SLC4A4: variants seen among roughly 807,000 people sequenced by gnomAD.
SLC4A4 encodes the protein electrogenic sodium bicarbonate cotransporter 1.
A neutral mutation model predicts 111.5 loss-of-function variants in SLC4A4; 27 were observed. The observed-to-expected ratio is 0.24, with a 90% confidence interval of 0.18 to 0.33. SLC4A4 has a LOEUF of 0.33. SLC4A4 is among the 10% of genes least tolerant of loss of function. The probability of loss-of-function intolerance (pLI) is 1.00; values close to 1 mark genes in which losing one functional copy is unlikely to be tolerated. For missense variants in SLC4A4, 909 were observed against 1,315.5 expected (o/e 0.69, Z 4.78); for synonymous variants, 443 against 463.4 (o/e 0.96, Z 0.57).
chr4:71,395,092 T>C (rs550786656), intron 6 of SLC4A4, among the ~76,000 whole-genome samples: 80 of 152,196 alleles, frequency 5.3e-4, no homozygotes, highest in African/African-American at 1.8e-3. Flanking sequence ...AATAAAGAAT[T>C]GCTCTGGTGT....
At chr4:71,216,552 T>C (rs1308237380) in intron 1 of SLC4A4, among the ~76,000 whole-genome samples, 1 of 152,200 alleles carries the variant, frequency 6.6e-6, no homozygotes, top group Non-Finnish European at 1.5e-5. Flanking sequence ...TGCTTGATGA[T>C]TTCTTTCCTT....
intron 6 of SLC4A4, among the ~76,000 whole-genome samples, chr4:71,375,603 C>T (rs1382207558): frequency 1.3e-5 from 2 of 152,162 alleles, no homozygotes; most frequent in Non-Finnish European, 2.9e-5. Flanking sequence ...TTATCTCATT[C>T]TACTTTGCAC....
chr4:71,261,309 G>C (rs1185014093), intron 3 of SLC4A4, among the ~76,000 whole-genome samples: 1 of 152,108 alleles, frequency 6.6e-6, no homozygotes, highest in Non-Finnish European at 1.5e-5. Flanking sequence ...GAATTTAGTC[G>C]GCAGTTGTAA....
chr4:71,396,731 C>T (rs1370439488), intron 6 of SLC4A4, among the ~76,000 whole-genome samples: 4 of 152,134 alleles, frequency 2.6e-5, no homozygotes, highest in African/African-American at 7.2e-5. Context: ...TGAAAACAGC[C>T]TGTGGCTCTT....
At chr4:71,116,535 A>G (rs780795443) in intron 2 of SLC4A4, among the ~76,000 whole-genome samples, 102 of 152,324 alleles carry the variant, frequency 6.7e-4, no homozygotes, top group Non-Finnish European at 1.0e-3. Flanking sequence ...GCTTTACTTC[A>G]ATTAGATTAA....
intron 3 of SLC4A4, among the ~76,000 whole-genome samples, chr4:71,291,099 A>G (rs538364519): frequency 1.3e-5 from 2 of 152,368 alleles, no homozygotes; most frequent in Admixed American, 1.3e-4. Context: ...ATTTTGTAAG[A>G]AACAACAGTC....
chr4:71,501,465 TTTG>T (rs1730916269), intron 16 of SLC4A4, among the ~76,000 whole-genome samples: 1 of 151,976 alleles, frequency 6.6e-6, no homozygotes, highest in Admixed American at 6.6e-5. Context: ...GGTTATTTAG[TTTG>T]TTGTTGTATA....
At chr4:71,147,054 C>A (rs542866471) in intron 2 of SLC4A4, among the ~76,000 whole-genome samples, 1 of 152,074 alleles carries the variant, frequency 6.6e-6, no homozygotes, top group South Asian at 2.1e-4. Flanking sequence ...ATCTACCAAG[C>A]AAATGGAAAA....
At chr4:71,206,567 G>A (rs1486747134) in intron 1 of SLC4A4, among the ~76,000 whole-genome samples, 2 of 152,078 alleles carry the variant, frequency 1.3e-5, no homozygotes, top group Admixed American at 6.5e-5. Flanking sequence ...GAATAAAATA[G>A]TACAATACAG....
At chr4:71,369,521 G>T (rs1299898867) in intron 6 of SLC4A4, among the ~76,000 whole-genome samples, 2 of 152,116 alleles carry the variant, frequency 1.3e-5, no homozygotes, top group Admixed American at 6.5e-5. Flanking sequence ...CTGGAGATGA[G>T]GTCTCTGAAG....
chr4:71,212,533 C>G (rs971631600), intron 1 of SLC4A4, among the ~76,000 whole-genome samples: 1 of 152,114 alleles, frequency 6.6e-6, no homozygotes, highest in Admixed American at 6.5e-5. Context: ...GTCACTAAGA[C>G]CAGAGTTGGA....
chr4:71,343,721 C>G (rs1412644102), intron 4 of SLC4A4, among the ~76,000 whole-genome samples: 1 of 152,222 alleles, frequency 6.6e-6, no homozygotes, highest in Non-Finnish European at 1.5e-5. Context: ...GAGATTGCTG[C>G]AGATGGCTCC....
intron 7 of SLC4A4, among the ~76,000 whole-genome samples, chr4:71,439,337 A>C (rs1284754914): frequency 2.0e-5 from 3 of 149,660 alleles, no homozygotes; most frequent in Non-Finnish European, 4.4e-5. Flanking sequence ...CTGAGGCAGA[A>C]GAATCACTTG....
rs57953121 is a variant in SLC4A4, at chr4:71,337,797, A to AT, written c.254-1562dup. Among the ~76,000 whole-genome samples the AT allele has an allele frequency of 8.9e-4, 132 of 148,934 alleles. 1 individual carries two copies. The highest frequency in any genetic ancestry group is 7.7e-3 in the East Asian group (39 of 5,094). On this transcript the variant is annotated intron_variant, in intron 3 of 25. Coordinates refer to ENST00000264485, the MANE Select transcript of SLC4A4 (RefSeq NM_001098484.3). ...AACCCTTGCCCACGTTGGGATTATC[A>AT]TTTTTTTTTTTATTTTTGACATTTA...
chr4:71,360,999 T>C (rs1730727164), intron 6 of SLC4A4, among the ~76,000 whole-genome samples: 1 of 152,074 alleles, frequency 6.6e-6, no homozygotes, highest in Non-Finnish European at 1.5e-5. Context: ...GCCTTGCAGA[T>C]TGAATCCCAG....
Position 71,078,624 on chromosome 4 carries a change from G to A in SLC4A4, c.-64-14106G>A, listed in dbSNP as rs115893796. 8.7e-3 allele frequency among the ~76,000 whole-genome samples: 1,323 copies of A among 152,250 alleles called. 21 individuals carry two copies. Among genetic ancestry groups the A allele is most frequent in the African/African-American group, 0.03 (1,250 of 41,540 alleles). ...TTGAGTATCAAATTTTAAGATGTTT[G>A]TGCTTCAATCTGGGGGCACACTGAG... On this transcript the variant is annotated intron_variant, in intron 1 of 26. Coordinates refer to the SLC4A4 transcript ENST00000649996.
intron 7 of SLC4A4, chr4:71,437,141 G>A (rs555306780): frequency 2.2e-6 from 1 of 462,820 alleles, no homozygotes; most frequent in South Asian, 1.7e-5. Context: ...TCTGAGTTCA[G>A]ATCCGTCAGA....
chr4:71,242,677 ATCT>A (rs1720336239), intron 2 of SLC4A4, among the ~76,000 whole-genome samples: 1 of 151,484 alleles, frequency 6.6e-6, no homozygotes, highest in Admixed American at 6.6e-5. Flanking sequence ...GGTTATTATA[ATCT>A]TCTTTGGTTA....
chr4:71,156,386 G>C (rs994833505), intron 2 of SLC4A4, among the ~76,000 whole-genome samples: 5 of 151,944 alleles, frequency 3.3e-5, no homozygotes, highest in African/African-American at 1.2e-4. Flanking sequence ...GCACACCTTA[G>C]GTACACATGT....
Sources: allele counts gnomAD v4.1 joint callset (sites outside exome capture counted in the v4.1 genomes callset), GRCh38; gene constraint gnomAD v4.1.1; transcripts MANE v1.5; gene names NCBI Gene and HGNC (gene_info 2026-07-23, HGNC 2026-07-21).